Variants in PTPRR observed in about 807,000 individuals in gnomAD.
PTPRR encodes protein tyrosine phosphatase receptor type R.
A neutral mutation model predicts 77.2 loss-of-function variants in PTPRR; 38 were observed. The ratio of observed to expected loss-of-function variants is 0.49; its 90% CI spans 0.38 to 0.65. The LOEUF (loss-of-function observed/expected upper bound fraction) is 0.65, where lower values mean the gene tolerates loss of function less well. Among genes scored for constraint, PTPRR ranks in the 30% least tolerant of loss-of-function variants. The pLI is 0.00. For missense variants in PTPRR, 744 were observed against 799.2 expected (o/e 0.93, Z 0.83); for synonymous variants, 299 against 283.1 (o/e 1.06, Z -0.57).
intron 8 of PTPRR, among the ~76,000 whole-genome samples, chr12:70,692,014 T>C (rs556206891): frequency 6.6e-6 from 1 of 152,174 alleles, no homozygotes; most frequent in Non-Finnish European, 1.5e-5. Flanking sequence ...CTATAACATA[T>C]AGAATTATAC....
At chr12:70,740,370 C>G (rs1890007963) in intron 6 of PTPRR, among the ~76,000 whole-genome samples, 1 of 57,074 alleles carries the variant, frequency 1.8e-5, no homozygotes, top group African/African-American at 4.6e-5. Context: ...TGCTATGTTT[C>G]TCTTTTTTTT....
intron 6 of PTPRR, among the ~76,000 whole-genome samples, chr12:70,723,220 G>T (rs147650162): frequency 6.6e-6 from 1 of 152,292 alleles, no homozygotes; most frequent in East Asian, 1.9e-4. Flanking sequence ...AAAACCAGTA[G>T]CAACTGCAGT....
At position 70,920,481 on chromosome 12, in the gene PTPRR, T is replaced by TAATACCTG; in HGVS notation, c.-92_-91insCAGGTATT. The TAATACCTG allele has an allele frequency of 7.8e-7, 1 of 1,279,690 alleles. No homozygotes were observed. The highest frequency in any genetic ancestry group is 1.1e-6 in the Non-Finnish European group (1 of 905,818). 79.3% of individuals were successfully genotyped at this position (1,279,690 alleles called of 1,614,324 possible). Reference sequence around the variant, plus strand: ...GAAAGAGCCACCGCCAAGGGTCTTCTAGTCTCCGGGATTCAGGTCCTCGGC... The same window carrying TAATACCTG: ...GAAAGAGCCACCGCCAAGGGTCTTCTAATACCTGAGTCTCCGGGATTCAGGTCCTCGGC... On this transcript the variant is annotated 5_prime_UTR_variant, in exon 1 of 14. Transcript: ENST00000283228.
At chr12:70,771,109 C>T (rs1002935845) in intron 2 of PTPRR, among the ~76,000 whole-genome samples, 4 of 150,838 alleles carry the variant, frequency 2.7e-5, no homozygotes, top group Admixed American at 6.6e-5. Flanking sequence ...ACATATGTAA[C>T]TAACCTGCAC....
chr12:70,856,802 AAGAGAG>A (rs141467738), intron 2 of PTPRR, among the ~76,000 whole-genome samples: 4 of 144,844 alleles, frequency 2.8e-5, no homozygotes, highest in East Asian at 2.1e-4. Flanking sequence ...GGGAGGCAGG[AAGAGAG>A]AGAGAGAGAG....
intron 12 of PTPRR, among the ~76,000 whole-genome samples, chr12:70,660,105 A>T (rs925263311): frequency 2.4e-4 from 36 of 152,002 alleles, no homozygotes; most frequent in Admixed American, 1.3e-4. Context: ...TGAGCCAAGG[A>T]GGCGGAGGTT....
At chr12:70,832,788 G>C (rs1238750700) in intron 2 of PTPRR, among the ~76,000 whole-genome samples, 1 of 152,116 alleles carries the variant, frequency 6.6e-6, no homozygotes, top group Middle Eastern at 3.2e-3. Context: ...TGTTCTGCAG[G>C]CTGTACAAGC....
chr12:70,641,051 G>T (rs1885978833), intron 13 of PTPRR, among the ~76,000 whole-genome samples: 1 of 152,184 alleles, frequency 6.6e-6, no homozygotes, highest in South Asian at 2.1e-4. Context: ...GGCCAGCTGA[G>T]AATGTGGTAA....
intron 2 of PTPRR, among the ~76,000 whole-genome samples, chr12:70,844,742 TTCA>T (rs1892455295): frequency 6.6e-6 from 1 of 152,190 alleles, no homozygotes; most frequent in East Asian, 1.9e-4. Flanking sequence ...TCCAATAGAC[TTCA>T]GCTGGGTACT....
intron 12 of PTPRR, among the ~76,000 whole-genome samples, chr12:70,660,730 G>A (rs1886768152): frequency 6.6e-6 from 1 of 152,166 alleles, no homozygotes; most frequent in Non-Finnish European, 1.5e-5. Context: ...CTGTGTAATT[G>A]TTGTTTGTGA....
intron 8 of PTPRR, among the ~76,000 whole-genome samples, chr12:70,691,214 C>T (rs1013610723): frequency 6.6e-6 from 1 of 152,178 alleles, no homozygotes; most frequent in Non-Finnish European, 1.5e-5. Flanking sequence ...TTGCTAAGGT[C>T]ACCACTGACC....
chr12:70,910,164 A>C (rs1893679911), intron 1 of PTPRR, among the ~76,000 whole-genome samples: 1 of 152,122 alleles, frequency 6.6e-6, no homozygotes, highest in South Asian at 2.1e-4. Flanking sequence ...AAGTTTTCAC[A>C]TGTTAATACA....
At chr12:70,897,311 A>G (rs1893447099) in intron 1 of PTPRR, among the ~76,000 whole-genome samples, 1 of 152,046 alleles carries the variant, frequency 6.6e-6, no homozygotes, top group East Asian at 1.9e-4. Flanking sequence ...TTACAAGAAA[A>G]AAAACAAACA....
At chr12:70,862,506 C>T (rs975166587) in intron 2 of PTPRR, among the ~76,000 whole-genome samples, 106 of 146,620 alleles carry the variant, frequency 7.2e-4, no homozygotes, top group African/African-American at 2.3e-3. Context: ...AACCAAACAC[C>T]GCATATTCTC....
At chr12:70,878,437 A>G (rs1047565972) in intron 2 of PTPRR, among the ~76,000 whole-genome samples, 6 of 152,160 alleles carry the variant, frequency 3.9e-5, no homozygotes, top group Non-Finnish European at 4.4e-5. Context: ...AAAAGGGGGC[A>G]AAGGATATGA....
intron 1 of PTPRR, among the ~76,000 whole-genome samples, chr12:70,902,038 C>A (rs1257319315): frequency 6.6e-6 from 1 of 151,074 alleles, no homozygotes; most frequent in Non-Finnish European, 1.5e-5. Context: ...AGAAGGTATA[C>A]AAATGGCCAA....
intron 2 of PTPRR, among the ~76,000 whole-genome samples, chr12:70,891,946 G>A (rs377149702): frequency 2.6e-5 from 4 of 151,998 alleles, no homozygotes; most frequent in Admixed American, 6.6e-5. Context: ...TAGTTTCAAT[G>A]TGGATCCTTC....
intron 13 of PTPRR, among the ~76,000 whole-genome samples, chr12:70,643,284 C>T (rs1886074784): frequency 6.6e-6 from 1 of 152,018 alleles, no homozygotes; most frequent in Non-Finnish European, 1.5e-5. Context: ...CAGGTGCATG[C>T]CACCATACTG....
At chr12:70,742,105 A>G (rs1485890654) in intron 6 of PTPRR, among the ~76,000 whole-genome samples, 1 of 152,182 alleles carries the variant, frequency 6.6e-6, no homozygotes, top group Non-Finnish European at 1.5e-5. Flanking sequence ...AGAACCAAAG[A>G]GATAATGGAC....
Sources: allele counts gnomAD v4.1 joint callset (sites outside exome capture counted in the v4.1 genomes callset), GRCh38; gene constraint gnomAD v4.1.1; transcripts MANE v1.5; gene names NCBI Gene and HGNC (gene_info 2026-07-23, HGNC 2026-07-21).